Variants in SPACA1 observed in about 807,000 individuals in gnomAD.
SPACA1 encodes the protein sperm acrosome membrane-associated protein 1.
In SPACA1, 17 loss-of-function variants were observed where a neutral mutation model predicts 32.6. The observed-to-expected ratio is 0.52, with a 90% CI of 0.36 to 0.78. The LOEUF (loss-of-function observed/expected upper bound fraction) is 0.78. Among genes scored for constraint, SPACA1 ranks in the 30% least tolerant of loss-of-function variants. SPACA1 has a pLI of 0.01. For missense variants in SPACA1, 363 were observed against 373.4 expected (o/e 0.97, Z 0.23); for synonymous variants, 140 against 138.1 (o/e 1.01, Z -0.10).
Position 88,048,046 on chromosome 6 carries a change from C to T in SPACA1, c.141C>T (p.Gly47=), listed in dbSNP as rs775754516. 3.7e-6 allele frequency: 6 copies of T among 1,603,256 alleles called. No individual in the cohort carries two copies. Among genetic ancestry groups the T allele is most frequent in the South Asian group, 1.1e-5 (1 of 88,400 alleles). The change falls in exon 1 of 7, where the codon GGC becomes GGT. Residue 47 remains glycine, a synonymous_variant. Coordinates refer to ENST00000237201, the MANE Select transcript of SPACA1 (RefSeq NM_030960.3). ...QDAGLAHEGE[G]EEETENNDSE... ...CCGGCCTGGCCCACGAAGGCGAGGGCGAGGAGGAGACCGAAAACAACGACA... is the reference window on the plus strand; with the variant it reads ...CCGGCCTGGCCCACGAAGGCGAGGGTGAGGAGGAGACCGAAAACAACGACA...
intron 3 of SPACA1, 66 bp from the exon 4 acceptor site, chr6:88,058,650 A>T: frequency 8.5e-7 from 1 of 1,176,374 alleles, no homozygotes; most frequent in South Asian, 1.3e-5. Context: ...GGAAAAAAAA[A>T]AGTAATTTCG....
rs774515923 is a variant in SPACA1, at chr6:88,064,093, C to A, written c.611-6C>A. On this transcript the variant is annotated splice_region_variant and splice_polypyrimidine_tract_variant and intron_variant, in intron 5 of 6. Transcript: ENST00000237201. ...AATACTCCTTAGGTTTGTGTGTTTT[C>A]TCTAGAATTGCAGATGAGAAGATCA... 4.3e-5 allele frequency: 69 copies of A among 1,611,832 alleles called. No homozygotes were observed. In the Middle Eastern group the frequency reaches 8.4e-4, roughly 20 times the overall value.
intron 3 of SPACA1, 81 bp downstream of exon 3, chr6:88,057,794 G>C: frequency 8.8e-7 from 1 of 1,133,622 alleles, no homozygotes; most frequent in Non-Finnish European, 1.3e-6. Context: ...GGTTGCCACT[G>C]AGTAGAAGGA....
At chr6:88,048,285 T>C (rs1441409012) in intron 1 of SPACA1, among the ~76,000 whole-genome samples, 172 bp downstream of exon 1, 1 of 152,222 alleles carries the variant, frequency 6.6e-6, no homozygotes, top group Non-Finnish European at 1.5e-5. Flanking sequence ...AAGAAGAATG[T>C]GCTCATTCTC....
chr6:88,062,256 A>T (rs1451981300), intron 5 of SPACA1, among the ~76,000 whole-genome samples: 1 of 152,200 alleles, frequency 6.6e-6, no homozygotes, highest in African/African-American at 2.4e-5. Context: ...TAGGGAAACA[A>T]ATCCAGAAAA....
At chr6:88,048,982 T>G (rs1359754555) in intron 1 of SPACA1, among the ~76,000 whole-genome samples, 1 of 152,132 alleles carries the variant, frequency 6.6e-6, no homozygotes, top group African/African-American at 2.4e-5. Context: ...CTCTTCAGTC[T>G]ATACATATCG....
At position 88,047,841 on chromosome 6, in the gene SPACA1, G is replaced by T; in HGVS notation, c.-65G>T. ...CGGGCGGGGTGTCGCAGCTCTCTTC[G>T]ACGTACCTGTCCTCAGGAGCCGCGG... On this transcript the variant is annotated 5_prime_UTR_variant, in exon 1 of 7. Coordinates refer to ENST00000237201, the MANE Select transcript of SPACA1 (RefSeq NM_030960.3). 1.4e-6 allele frequency: 2 copies of T among 1,433,460 alleles called. No homozygotes were observed. Among genetic ancestry groups the T allele is most frequent in the South Asian group, 2.8e-5 (2 of 71,446 alleles). 88.8% of individuals were successfully genotyped at this position (1,433,460 alleles called of 1,614,324 possible). A position where few individuals can be genotyped will look rare whatever the true frequency, so the allele number is the denominator to read the frequency against.
Position 88,066,290 on chromosome 6 carries a change from A to G in SPACA1, c.840A>G (p.Thr280=), listed in dbSNP as rs1163445272. ...KDSTSLDQLP[T]EMPGEDDALS... is the part of the protein sequence containing the mutation. Reference sequence around the variant, plus strand: ...CAACTTCTCTTGACCAATTACCAACAGAAATGCCTGGTGAAGATGATGCTT... The same window carrying G: ...CAACTTCTCTTGACCAATTACCAACGGAAATGCCTGGTGAAGATGATGCTT... The change falls in exon 7 of 7, where the codon ACA becomes ACG. Residue 280 remains threonine, a synonymous_variant. Transcript: ENST00000237201. 1 of 1,612,476 alleles carries G rather than the reference A, an allele frequency of 6.2e-7. No homozygotes were observed. Among genetic ancestry groups the G allele is most frequent in the South Asian group, 1.1e-5 (1 of 90,838 alleles).
chr6:88,051,311 A>G (rs896545964), intron 1 of SPACA1, among the ~76,000 whole-genome samples: 3 of 152,232 alleles, frequency 2.0e-5, no homozygotes, highest in African/African-American at 7.2e-5. Flanking sequence ...GTTGTAGTCT[A>G]TACAATGGGT....
intron 2 of SPACA1, among the ~76,000 whole-genome samples, chr6:88,055,247 TACTC>T (rs1417841844): frequency 6.6e-6 from 1 of 152,212 alleles, no homozygotes; most frequent in African/African-American, 2.4e-5. Context: ...TTAGAAATTG[TACTC>T]ACTCAAATGA....
intron 6 of SPACA1, among the ~76,000 whole-genome samples, chr6:88,065,704 C>A (rs1004772582): frequency 6.6e-6 from 1 of 150,808 alleles, no homozygotes; most frequent in South Asian, 2.1e-4. Flanking sequence ...CCAGACCCCC[C>A]ACCCCTGTAA....
In SPACA1 at chr6:88,054,002, G is replaced by C. The variant is rs1420618311; in HGVS notation, c.265G>C (p.Gly89Arg). ...ATTCGGAATGTGCACCGTTACATGT[G>C]GTAAGTAGCTTGGAGCAGATGAATA... Reference protein sequence around the residue: ...VEFGMCTVTCGIGVREVILTN... With the variant: ...VEFGMCTVTCRIGVREVILTN... The change falls in exon 2 of 7, where the codon GGT (glycine) becomes CGT (arginine). Residue 89 changes from glycine (G) to arginine (R), a missense_variant and splice_region_variant. Physicochemically the swap from Gly to Arg is moderately radical, Grantham distance 125. Transcript: ENST00000237201. 1 of 1,613,104 alleles carries C rather than the reference G, an allele frequency of 6.2e-7. No homozygotes were observed. Among genetic ancestry groups the C allele is most frequent in the East Asian group, 2.2e-5 (1 of 44,822 alleles).
chr6:88,066,048 C>G (rs1775979076), intron 6 of SPACA1, 134 bp from the exon 7 acceptor site: 1 of 570,896 alleles, frequency 1.8e-6, no homozygotes, highest in Non-Finnish European at 2.8e-6. Context: ...ATATTTGTAC[C>G]ATATATAATA....
At position 88,048,122 on chromosome 6, in the gene SPACA1, G is replaced by A; in HGVS notation, c.208+9G>A. 6.3e-7 allele frequency: 1 copy of A among 1,579,962 alleles called. No homozygotes were observed. Among genetic ancestry groups the A allele is most frequent in the Non-Finnish European group, 8.6e-7 (1 of 1,163,392 alleles). On this transcript the variant is annotated intron_variant, in intron 1 of 6. Transcript: ENST00000237201. ...GCCTGAAACCGAGGATGGTGAGGGC[G>A]GGAGCTCCCTTGCGGGGCACGCGGA...
rs776535267 is a variant in SPACA1, at chr6:88,066,365, A to G, written c.*30A>G. ...TGAATGATATATAACAAACCAAAGG[A>G]TATTACAGAATATTAGATTCATTAT... On this transcript the variant is annotated 3_prime_UTR_variant, in exon 7 of 7. Transcript: ENST00000237201. 4 of 1,539,660 alleles carry G rather than the reference A, an allele frequency of 2.6e-6. No individual in the cohort carries two copies. In the South Asian group the frequency reaches 3.7e-5, roughly 14 times the overall value.
chr6:88,053,186 G>A (rs1173184613), intron 1 of SPACA1, among the ~76,000 whole-genome samples: 4 of 152,190 alleles, frequency 2.6e-5, no homozygotes, highest in East Asian at 3.8e-4. Context: ...ACTCCAGTTC[G>A]ATGTGTTTTC....
Position 88,054,104 on chromosome 6 carries a change from A to G in SPACA1, c.265+102A>G, listed in dbSNP as rs919779672. The G allele has an allele frequency of 2.6e-5, 24 of 915,220 alleles. No individual in the cohort carries two copies. In the African/African-American group the frequency reaches 3.5e-4, roughly 13 times the overall value. 56.7% of individuals were successfully genotyped at this position (915,220 alleles called of 1,614,324 possible). A position where few individuals can be genotyped will look rare whatever the true frequency, so the allele number is the denominator to read the frequency against. On this transcript the variant is annotated intron_variant, in intron 2 of 6. Transcript: ENST00000237201. ...CTTTGTAACTTGTGTACTTTCATGC[A>G]TCTCTCATGGATTTTTATTTCTAAT... is the stretch of plus-strand genomic sequence containing the variant.
chr6:88,059,397 C>A, intron 4 of SPACA1, 56 bp from the exon 5 acceptor site: 1 of 1,430,410 alleles, frequency 7.0e-7, no homozygotes. Context: ...AAATTGTTTC[C>A]TGGTAAGTGT....
At chr6:88,051,785 T>A (rs1197368678) in intron 1 of SPACA1, among the ~76,000 whole-genome samples, 3 of 152,242 alleles carry the variant, frequency 2.0e-5, no homozygotes, top group Non-Finnish European at 4.4e-5. Context: ...TTTCACCCTG[T>A]CATCTTTTAG....
Sources: gnomAD v4.1 joint callset for allele counts (sites outside exome capture counted in the v4.1 genomes callset) on GRCh38, gnomAD v4.1.1 for gene constraint, MANE v1.5 for transcripts, NCBI Gene and HGNC (gene_info 2026-07-23, HGNC 2026-07-21) for gene names.